ZFP82: variants seen among roughly 807,000 people sequenced by gnomAD.
ZFP82 encodes the protein zinc finger protein 82 homolog.
Under a neutral mutation model 54.0 loss-of-function variants are expected in ZFP82, and 30 were observed. The ratio of observed to expected loss-of-function variants is 0.56; its 90% CI spans 0.42 to 0.75. The LOEUF is 0.75. Ranked by LOEUF, ZFP82 falls within the 30% of genes least tolerant of loss-of-function variation. ZFP82 has a pLI of 0.00. For synonymous variants in ZFP82, 194 were observed against 209.5 expected (o/e 0.93, Z 0.64); for missense variants, 500 against 636.8 (o/e 0.79, Z 2.31).
Position 36,392,648 on chromosome 19 carries a change from C to T in ZFP82, c.*93G>A. On this transcript the variant is annotated 3_prime_UTR_variant, in exon 5 of 5. Coordinates refer to ENST00000392161, the MANE Select transcript of ZFP82 (RefSeq NM_133466.4). ...TCACACTCTTTTAATGGTATAAAACCTCTAATGCCAACGCAGTTGCATGTA... is the reference window on the plus strand; with the variant it reads ...TCACACTCTTTTAATGGTATAAAACTTCTAATGCCAACGCAGTTGCATGTA... The T allele has an allele frequency of 1.8e-6, 2 of 1,123,366 alleles. No individual in the cohort carries two copies. Among genetic ancestry groups the T allele is most frequent in the Non-Finnish European group, 2.4e-6 (2 of 818,784 alleles). The allele number at this position is 1,123,366 out of a possible 1,614,324, so 69.6% of individuals were successfully genotyped here.
chr19:36,414,704 G>A (rs1442073397), intron 1 of ZFP82, among the ~76,000 whole-genome samples: 1 of 151,882 alleles, frequency 6.6e-6, no homozygotes, highest in Non-Finnish European at 1.5e-5. Context: ...AGGATTCACA[G>A]AAATCAAAAA....
intron 1 of ZFP82, among the ~76,000 whole-genome samples, chr19:36,413,892 C>G (rs1456187256): frequency 1.3e-5 from 2 of 148,586 alleles, no homozygotes; most frequent in African/African-American, 4.9e-5. Context: ...TAAAAATTAT[C>G]TTCAATAATT....
In ZFP82 at chr19:36,393,772, T is replaced by C; in HGVS notation, c.568A>G (p.Arg190Gly). 6.2e-7 allele frequency: 1 copy of C among 1,614,134 alleles called. No homozygotes were observed. The highest frequency in any genetic ancestry group is 8.5e-7 in the Non-Finnish European group (1 of 1,180,022). ...TACGGTTTTTCACCAGTATGAATTC[T>C]GTGATGAAAAGTAAGCTGTTGGCGC... Reference protein sequence around the residue: ...RVRQQLTFHHRIHTGEKPYEC... With the variant: ...RVRQQLTFHHGIHTGEKPYEC... Residue 190 changes from arginine (R) to glycine (G), a missense_variant, in exon 5 of 5, where the codon AGA becomes GGA. Transcript: ENST00000392161.
rs561962329 is a variant in ZFP82 at position 36,393,041 on chromosome 19, T to C, written c.1299A>G (p.Leu433=). ...TCTGATGCTGTGTGAGTTGTGAAAG[T>C]AGTCTGAAGGCCTTCCCGCATTCCT... ...DCKECGKAFR[L]LSQLTQHQSI... The change falls in exon 5 of 5, where the codon CTA becomes CTG. Residue 433 remains leucine, a synonymous_variant. Transcript: ENST00000392161. The C allele has an allele frequency of 2.2e-5, 36 of 1,614,150 alleles. No homozygotes were observed. Among genetic ancestry groups the C allele is most frequent in the Admixed American group, 8.3e-5 (5 of 60,016 alleles).
chr19:36,393,394 C>G lies in ZFP82; in HGVS notation c.946G>C (p.Gly316Arg), dbSNP rs1310323350. The G allele has an allele frequency of 6.2e-7, 1 of 1,614,010 alleles. No homozygotes were observed. The change falls in exon 5 of 5, where the codon GGG becomes CGG. Residue 316 changes from glycine (G) to arginine (R), a missense_variant. Coordinates refer to ENST00000392161, the MANE Select transcript of ZFP82 (RefSeq NM_133466.4). ...CCAGAGCCACACAAAAAGGCCTTCC[C>G]ACATTCTTTGCATTCATAGAGCCTG... Reference protein sequence around the residue: ...ADRLYECKECGKAFLCGSGLR... With the variant: ...ADRLYECKECRKAFLCGSGLR...
intron 4 of ZFP82, among the ~76,000 whole-genome samples, chr19:36,404,797 G>C (rs1254891474): frequency 1.3e-5 from 2 of 152,222 alleles, no homozygotes; most frequent in Admixed American, 1.3e-4. Context: ...CAGTCTGTCA[G>C]AATAACCGCC....
Position 36,393,044 on chromosome 19 carries a change from T to C in ZFP82, c.1296A>G (p.Arg432=), listed in dbSNP as rs759046400. ...GATGCTGTGTGAGTTGTGAAAGTAG[T>C]CTGAAGGCCTTCCCGCATTCCTTAC... The part of the protein sequence containing the change: ...YDCKECGKAF[R]LLSQLTQHQS... The change falls in exon 5 of 5, where the codon AGA becomes AGG. Residue 432 remains arginine, a synonymous_variant. Coordinates refer to ENST00000392161, the MANE Select transcript of ZFP82 (RefSeq NM_133466.4). The C allele has an allele frequency of 6.2e-7, 1 of 1,614,172 alleles. No homozygotes were observed. The highest frequency in any genetic ancestry group is 8.5e-7 in the Non-Finnish European group (1 of 1,180,028).
chr19:36,408,035 T>C, intron 2 of ZFP82, 22 bp from the exon 3 acceptor site: 2 of 1,606,308 alleles, frequency 1.2e-6, no homozygotes, highest in Non-Finnish European at 1.7e-6. Context: ...AACCACACAT[T>C]ATAAATGAAA....
In ZFP82 at chr19:36,398,452, G is replaced by C. The variant is rs188822891; in HGVS notation, c.230-4342C>G. Among the ~76,000 whole-genome samples, 701 of 151,642 alleles carry C rather than the reference G, an allele frequency of 4.6e-3. 8 individuals are homozygous for C. The highest frequency in any genetic ancestry group is 9.6e-3 in the Admixed American group (146 of 15,192). ...CTTGGGAGGCTGAGGTAGAAGAATC[G>C]CTTGAACCCAGGAGGCAGAGGTTGC... On this transcript the variant is annotated intron_variant, in intron 4 of 4. Transcript: ENST00000392161.
chr19:36,386,243 G>A (rs1204662111), downstream of ZFP82, among the ~76,000 whole-genome samples: 1 of 152,242 alleles, frequency 6.6e-6, no homozygotes, highest in Non-Finnish European at 1.5e-5. Context: ...GCTGGCTCAG[G>A]TGTGGCTCAG....
At chr19:36,394,240 G>A in intron 4 of ZFP82, 130 bp from the exon 5 acceptor site, 5 of 883,926 alleles carry the variant, frequency 5.7e-6, no homozygotes, top group South Asian at 1.9e-5. Context: ...ATACAATTTG[G>A]AAAGAAAAAA....
intron 1 of ZFP82, among the ~76,000 whole-genome samples, chr19:36,417,797 G>A (rs1228797127): frequency 6.6e-6 from 1 of 152,182 alleles, no homozygotes; most frequent in African/African-American, 2.4e-5. Context: ...ACCTGCAGCT[G>A]GACTCTTCAG....
chr19:36,414,825 C>CT (rs11445531), intron 1 of ZFP82, among the ~76,000 whole-genome samples: 58,517 of 142,292 alleles, frequency 0.41, 12,087 homozygotes, highest in South Asian at 0.46. Context: ...ATATTAAATA[C>CT]TTTTTTTTTT....
rs1231630047 is a variant in ZFP82 at position 36,389,646 on chromosome 19, T to C, written c.*3095A>G. On this transcript the variant is annotated 3_prime_UTR_variant, in exon 5 of 5. Coordinates refer to ENST00000392161, the MANE Select transcript of ZFP82 (RefSeq NM_133466.4). ...TGAACAATAAATTATTTCGTATCAT[T>C]TAGTAACCAATCCATGTTTACATTT... Among the ~76,000 whole-genome samples the C allele has an allele frequency of 6.6e-6, 1 of 152,248 alleles. No homozygotes were observed. Among genetic ancestry groups the C allele is most frequent in the Non-Finnish European group, 1.5e-5 (1 of 68,046 alleles).
chr19:36,396,705 G>C (rs2032301225), intron 4 of ZFP82, among the ~76,000 whole-genome samples: 1 of 151,988 alleles, frequency 6.6e-6, no homozygotes, highest in Non-Finnish European at 1.5e-5. Context: ...AGCTGGGCAT[G>C]GTAGTGTGTG....
intron 1 of ZFP82, among the ~76,000 whole-genome samples, chr19:36,414,364 C>CTTTT (rs1233064068): frequency 7.6e-6 from 1 of 130,994 alleles, no homozygotes; most frequent in Non-Finnish European, 1.6e-5. Flanking sequence ...TGTAATTCTA[C>CTTTT]TTTTTTTTTT....
chr19:36,411,426 A>C (rs2032578747), intron 1 of ZFP82, among the ~76,000 whole-genome samples: 1 of 152,186 alleles, frequency 6.6e-6, no homozygotes, highest in South Asian at 2.1e-4. Flanking sequence ...ACTGATACCC[A>C]TATTTGCAAG....
Position 36,410,919 on chromosome 19 carries a change from G to A in ZFP82, c.-78-1052C>T, listed in dbSNP as rs191957341. On this transcript the variant is annotated intron_variant, in intron 1 of 4. Coordinates refer to ENST00000392161, the MANE Select transcript of ZFP82 (RefSeq NM_133466.4). ...AGAAATAAAACCACTTGGGCTGGGC[G>A]AGATGGCTCACGCCTATAATCCCAG... 1.2e-3 allele frequency among the ~76,000 whole-genome samples: 179 copies of A among 152,086 alleles called. 1 individual carries two copies. The highest frequency in any genetic ancestry group is 1.6e-3 in the Non-Finnish European group (112 of 68,008).
intron 4 of ZFP82, among the ~76,000 whole-genome samples, chr19:36,400,311 T>G (rs1197043011): frequency 6.6e-6 from 1 of 152,254 alleles, no homozygotes; most frequent in Non-Finnish European, 1.5e-5. Context: ...ATCAACCATC[T>G]TACTTTGTTG....
Sources: allele counts gnomAD v4.1 joint callset (sites outside exome capture counted in the v4.1 genomes callset), GRCh38; gene constraint gnomAD v4.1.1; transcripts MANE v1.5; gene names NCBI Gene and HGNC (gene_info 2026-07-23, HGNC 2026-07-21).